The following ZNF407 variants were observed in gnomAD, a reference collection of about 807,000 sequenced individuals.
ZNF407 encodes the protein zinc finger protein 407.
Under a neutral mutation model 131.2 loss-of-function variants are expected in ZNF407, and 17 were observed. The observed-to-expected ratio is 0.13, with a 90% CI of 0.09 to 0.19. The LOEUF (loss-of-function observed/expected upper bound fraction) is 0.19, where lower values mean the gene tolerates loss of function less well. Among genes scored for constraint, ZNF407 ranks in the 10% least tolerant of loss-of-function variants. The pLI is 1.00. For missense variants in ZNF407, 2,681 were observed against 2,830.6 expected (o/e 0.95, Z 1.20); for synonymous variants, 1,156 against 1,062.0 (o/e 1.09, Z -1.72).
intron 4 of ZNF407, among the ~76,000 whole-genome samples, chr18:74,800,090 A>G (rs905713376): frequency 1.3e-5 from 2 of 151,954 alleles, no homozygotes; most frequent in Non-Finnish European, 2.9e-5. Context: ...GTCCAAAGAC[A>G]ATTCTTTGTA....
chr18:74,740,815 A>G (rs1264360747), intron 3 of ZNF407, among the ~76,000 whole-genome samples: 1 of 152,102 alleles, frequency 6.6e-6, no homozygotes, highest in Non-Finnish European at 1.5e-5. Flanking sequence ...TAGTTACTAG[A>G]CCAGGGTCTA....
chr18:74,744,787 G>GTAATACATTGCTAT (rs35951694), intron 3 of ZNF407, among the ~76,000 whole-genome samples: 1 of 151,892 alleles, frequency 6.6e-6, no homozygotes, highest in Non-Finnish European at 1.5e-5. Flanking sequence ...ATGTATTAGT[G>GTAATACATTGCTAT]TGTAATACAT....
At chr18:74,719,780 A>T (rs977517788) in intron 3 of ZNF407, among the ~76,000 whole-genome samples, 3 of 152,038 alleles carry the variant, frequency 2.0e-5, no homozygotes, top group African/African-American at 4.8e-5. Flanking sequence ...TTTCTGGCTT[A>T]TTTCACTTAA....
At chr18:74,863,913 A>AT (rs1467467699) in intron 4 of ZNF407, among the ~76,000 whole-genome samples, 1 of 152,138 alleles carries the variant, frequency 6.6e-6, no homozygotes. Context: ...TGGCAGTGTA[A>AT]TTTATTGTAA....
intron 8 of ZNF407, among the ~76,000 whole-genome samples, chr18:75,028,069 A>C (rs1007592317): frequency 2.0e-5 from 3 of 152,154 alleles, no homozygotes; most frequent in African/African-American, 7.2e-5. Flanking sequence ...TCCAATTTTG[A>C]GTATTTACTC....
intron 3 of ZNF407, among the ~76,000 whole-genome samples, chr18:74,702,705 A>G (rs1368326854): frequency 6.6e-6 from 1 of 152,210 alleles, no homozygotes; most frequent in African/African-American, 2.4e-5. Flanking sequence ...ATTTATTTAT[A>G]TATAAATACA....
At chr18:74,693,143 C>T (rs1327574630) in intron 3 of ZNF407, among the ~76,000 whole-genome samples, 4 of 152,206 alleles carry the variant, frequency 2.6e-5, no homozygotes, top group South Asian at 2.1e-4. Context: ...CACTTTCCTC[C>T]GCCCAAGCTG....
chr18:74,837,176 T>G (rs1010948713), intron 4 of ZNF407, among the ~76,000 whole-genome samples: 2 of 152,216 alleles, frequency 1.3e-5, no homozygotes, highest in African/African-American at 2.4e-5. Flanking sequence ...TGATAAATGG[T>G]CACTACAGGG....
chr18:74,726,806 T>C (rs1968168730), intron 3 of ZNF407, among the ~76,000 whole-genome samples: 1 of 152,186 alleles, frequency 6.6e-6, no homozygotes, highest in African/African-American at 2.4e-5. Flanking sequence ...CTAAAGATCC[T>C]GGATTCATTA....
At chr18:74,618,942 C>T (rs1983417969) in intron 1 of ZNF407, among the ~76,000 whole-genome samples, 1 of 152,152 alleles carries the variant, frequency 6.6e-6, no homozygotes, top group Admixed American at 6.6e-5. Flanking sequence ...AGCTTATTGG[C>T]ATATAGAATT....
rs200073035 is a variant in ZNF407, at chr18:74,734,671, TTGTGTG to T, written c.4803-46723_4803-46718del. On this transcript the variant is annotated intron_variant, in intron 3 of 8. Coordinates refer to ENST00000299687, the MANE Select transcript of ZNF407 (RefSeq NM_017757.3). ...AAATTATACCATTTTGAGTTTCAAT[TTGTGTG>T]TGTGTGTGTGTGTGTGTGTGTGTGT... Among the ~76,000 whole-genome samples the T allele has an allele frequency of 6.5e-3, 899 of 138,966 alleles. 10 individuals are homozygous for T. Among genetic ancestry groups the T allele is most frequent in the African/African-American group, 0.022 (791 of 36,156 alleles). 91.2% of individuals were successfully genotyped at this position (138,966 alleles called of 152,430 possible). A position where few individuals can be genotyped will look rare whatever the true frequency, so the allele number is the denominator to read the frequency against.
At chr18:74,964,580 G>GT (rs35373107) in intron 8 of ZNF407, among the ~76,000 whole-genome samples, 7,075 of 118,196 alleles carry the variant, frequency 0.06, 276 homozygotes, top group African/African-American at 0.082. Context: ...TATCATCCGG[G>GT]TTTTTTTTTT....
At chr18:74,656,017 T>C (rs906836429) in intron 3 of ZNF407, among the ~76,000 whole-genome samples, 4 of 152,212 alleles carry the variant, frequency 2.6e-5, no homozygotes, top group African/African-American at 9.6e-5. Context: ...TATTTATAAT[T>C]TGTATAAAAA....
At chr18:74,715,159 C>A (rs555971573) in intron 3 of ZNF407, among the ~76,000 whole-genome samples, 1 of 152,326 alleles carries the variant, frequency 6.6e-6, no homozygotes, top group Non-Finnish European at 1.5e-5. Flanking sequence ...TCCTGGAATA[C>A]TTCCTAATGA....
At chr18:74,695,784 C>T (rs924322725) in intron 3 of ZNF407, among the ~76,000 whole-genome samples, 18 of 152,036 alleles carry the variant, frequency 1.2e-4, no homozygotes, top group Non-Finnish European at 2.2e-4. Context: ...ATCTGTTCTC[C>T]GTTTGTGATT....
intron 3 of ZNF407, among the ~76,000 whole-genome samples, chr18:74,667,808 A>G (rs570551937): frequency 6.6e-6 from 1 of 152,368 alleles, no homozygotes; most frequent in South Asian, 2.1e-4. Context: ...AGAAAGGATC[A>G]TAGTACACAT....
rs961222270 is a variant in ZNF407 at position 74,620,616 on chromosome 18, C to G, written c.-53-10351C>G. Among the ~76,000 whole-genome samples, 554 of 152,302 alleles carry G rather than the reference C, an allele frequency of 3.6e-3. 13 individuals are homozygous for G. In the East Asian group the frequency reaches 0.048, roughly 13 times the overall value. ...TACTCTGACCACTTGGGCATGGGAG[C>G]ACGTAGTTCTAGCCTGTTTGCCTTC... On this transcript the variant is annotated intron_variant, in intron 1 of 8. Coordinates refer to ENST00000299687, the MANE Select transcript of ZNF407 (RefSeq NM_017757.3).
intron 7 of ZNF407, among the ~76,000 whole-genome samples, chr18:74,896,651 T>C (rs1402461926): frequency 6.6e-6 from 1 of 152,162 alleles, no homozygotes; most frequent in Non-Finnish European, 1.5e-5. Flanking sequence ...AGCATAAAGA[T>C]TGCTTTGAAA....
Position 74,634,674 on chromosome 18 carries a change from A to C in ZNF407, c.3655A>C (p.Ile1219Leu), listed in dbSNP as rs1389535675. Residue 1219 changes from isoleucine to leucine, a missense_variant, in exon 2 of 9, where the codon ATA becomes CTA. Coordinates refer to ENST00000299687, the MANE Select transcript of ZNF407 (RefSeq NM_017757.3). ...TGAGACAGCAAAGAAAAACCATGAGATATCGAATGATGCAGGTGAGCTGCG... is the reference window on the plus strand; with the variant it reads ...TGAGACAGCAAAGAAAAACCATGAGCTATCGAATGATGCAGGTGAGCTGCG... ...NCETAKKNHE[I>L]SNDAGELRVH... 2 of 1,613,908 alleles carry C rather than the reference A, an allele frequency of 1.2e-6. No individual in the cohort carries two copies. The highest frequency in any genetic ancestry group is 1.3e-5 in the African/African-American group (1 of 74,932).
Sources: allele counts gnomAD v4.1 joint callset (sites outside exome capture counted in the v4.1 genomes callset), GRCh38; gene constraint gnomAD v4.1.1; transcripts MANE v1.5; gene names NCBI Gene and HGNC (gene_info 2026-07-23, HGNC 2026-07-21).